Variants in SDK1 observed in about 807,000 individuals in gnomAD.
SDK1 encodes the protein sidekick cell adhesion molecule 1.
SDK1 carries 157 observed loss-of-function variants against 245.5 expected under a neutral mutation model. The ratio of observed to expected loss-of-function variants is 0.64; its 90% confidence interval spans 0.56 to 0.73. SDK1 has a LOEUF of 0.73. Among genes scored for constraint, SDK1 ranks in the 30% least tolerant of loss-of-function variants. The pLI, the probability that SDK1 is intolerant of heterozygous loss-of-function variation, is 0.00. For synonymous variants in SDK1, 1,647 were observed against 1,278.5 expected, an observed-to-expected ratio of 1.29 and a Z score of -6.15; for missense variants, 3,583 against 3,002.3, an observed-to-expected ratio of 1.19 and a Z score of -4.52.
intron 1 of SDK1, among the ~76,000 whole-genome samples, chr7:3,405,159 CAAAAAA>C (rs751705504): frequency 0.026 from 3,215 of 123,992 alleles, 76 homozygotes; most frequent in Non-Finnish European, 0.026. Context: ...AAAAAAAAAC[CAAAAAA>C]AAAAACAAAA....
At chr7:3,857,779 G>GA (rs1488636879) in intron 5 of SDK1, among the ~76,000 whole-genome samples, 1 of 152,022 alleles carries the variant, frequency 6.6e-6, no homozygotes, top group African/African-American at 2.4e-5. Flanking sequence ...GATAGATATG[G>GA]AAAAATTCTT....
At chr7:3,393,413 G>A (rs972981610) in intron 1 of SDK1, among the ~76,000 whole-genome samples, 1 of 152,122 alleles carries the variant, frequency 6.6e-6, no homozygotes, top group Non-Finnish European at 1.5e-5. Context: ...AAATGTTTGA[G>A]AGTTCCAACT....
intron 4 of SDK1, among the ~76,000 whole-genome samples, chr7:3,698,612 A>C (rs986195761): frequency 6.6e-6 from 1 of 152,160 alleles, no homozygotes; most frequent in Non-Finnish European, 1.5e-5. Flanking sequence ...TGGGGCTTAG[A>C]CAGCGGACGT....
chr7:3,600,795 A>G (rs1781231274), intron 1 of SDK1, among the ~76,000 whole-genome samples: 3 of 152,130 alleles, frequency 2.0e-5, no homozygotes, highest in South Asian at 2.1e-4. Flanking sequence ...TGATCCGGCC[A>G]TCTCGGCCTC....
intron 22 of SDK1, among the ~76,000 whole-genome samples, chr7:4,103,186 G>C (rs932358037): frequency 6.6e-6 from 1 of 152,076 alleles, no homozygotes; most frequent in African/African-American, 2.4e-5. Context: ...ATTTTTAGTG[G>C]AGACTGGGTT....
At chr7:3,886,253 T>C (rs1288113843) in intron 5 of SDK1, among the ~76,000 whole-genome samples, 3 of 152,150 alleles carry the variant, frequency 2.0e-5, no homozygotes, top group Non-Finnish European at 4.4e-5. Context: ...CTGGAACATC[T>C]GGTCATTGTG....
chr7:3,751,022 C>T (rs1779758681), intron 4 of SDK1, among the ~76,000 whole-genome samples: 1 of 152,160 alleles, frequency 6.6e-6, no homozygotes, highest in Non-Finnish European at 1.5e-5. Context: ...CAAGAGTGGG[C>T]CTGCCCCCCA....
At chr7:3,317,572 C>G (rs1010433566) in intron 1 of SDK1, among the ~76,000 whole-genome samples, 1 of 106,064 alleles carries the variant, frequency 9.4e-6, no homozygotes, top group African/African-American at 3.5e-5. Context: ...GCCTATTCCT[C>G]TCTCCATTCA....
intron 1 of SDK1, among the ~76,000 whole-genome samples, chr7:3,553,084 A>C (rs1277488355): frequency 6.6e-6 from 1 of 152,140 alleles, no homozygotes; most frequent in Non-Finnish European, 1.5e-5. Context: ...TAGTATAATT[A>C]TTTGATGGAT....
chr7:3,379,354 A>AT (rs1216100764), intron 1 of SDK1, among the ~76,000 whole-genome samples: 3 of 152,120 alleles, frequency 2.0e-5, no homozygotes, highest in Non-Finnish European at 4.4e-5. Flanking sequence ...GCATATGAAA[A>AT]GGCTAACTTA....
chr7:3,709,084 T>C (rs57278255), intron 4 of SDK1, among the ~76,000 whole-genome samples: 4,322 of 152,340 alleles, frequency 0.028, 214 homozygotes, highest in African/African-American at 0.099. Context: ...TAACAACCTT[T>C]TGTTTCAGAA....
chr7:3,852,401 C>G (rs908413092), intron 5 of SDK1, among the ~76,000 whole-genome samples: 2 of 151,604 alleles, frequency 1.3e-5, no homozygotes, highest in African/African-American at 2.4e-5. Flanking sequence ...ATCAGTTTCA[C>G]GAGTCTTGCA....
intron 1 of SDK1, among the ~76,000 whole-genome samples, chr7:3,489,653 A>AT (rs943496697): frequency 7.2e-5 from 11 of 152,182 alleles, no homozygotes; most frequent in African/African-American, 2.6e-4. Context: ...TTAAAATGTT[A>AT]TTTTTTTCTG....
At chr7:3,959,329 C>G (rs971417579) in intron 8 of SDK1, among the ~76,000 whole-genome samples, 5 of 152,136 alleles carry the variant, frequency 3.3e-5, no homozygotes, top group Admixed American at 2.6e-4. Flanking sequence ...CCTGACTTCA[C>G]AAGTGTGTGA....
intron 43 of SDK1, among the ~76,000 whole-genome samples, chr7:4,242,577 G>A (rs1236198278): frequency 6.6e-6 from 1 of 152,086 alleles, no homozygotes; most frequent in Non-Finnish European, 1.5e-5. Context: ...GAGGGGTCTT[G>A]AGCGTCTGGA....
chr7:3,994,772 C>T (rs1784580611), intron 14 of SDK1, among the ~76,000 whole-genome samples: 1 of 152,168 alleles, frequency 6.6e-6, no homozygotes, highest in Non-Finnish European at 1.5e-5. Flanking sequence ...ACTGCCCTGC[C>T]CTTCTTTGTT....
intron 35 of SDK1, among the ~76,000 whole-genome samples, chr7:4,202,175 G>A (rs1296807348): frequency 6.6e-6 from 1 of 152,116 alleles, no homozygotes; most frequent in African/African-American, 2.4e-5. Context: ...CGTGATTATT[G>A]TGATGCGTGT....
At chr7:3,458,114 T>C (rs113596726) in intron 1 of SDK1, among the ~76,000 whole-genome samples, 3 of 152,106 alleles carry the variant, frequency 2.0e-5, no homozygotes, top group African/African-American at 7.2e-5. Context: ...CTCTTACTTG[T>C]CTTTTTCTTT....
intron 1 of SDK1, among the ~76,000 whole-genome samples, chr7:3,443,644 A>T (rs1232502005): frequency 1.3e-5 from 2 of 152,234 alleles, no homozygotes; most frequent in East Asian, 3.8e-4. Context: ...ACTAGCCTCC[A>T]TGCTGGTTTG....
Sources: gnomAD v4.1 joint callset for allele counts (sites outside exome capture counted in the v4.1 genomes callset) on GRCh38, gnomAD v4.1.1 for gene constraint, MANE v1.5 for transcripts, NCBI Gene and HGNC (gene_info 2026-07-23, HGNC 2026-07-21) for gene names.